Variants in DLG2 observed in about 807,000 individuals in gnomAD.
DLG2 encodes the protein disks large homolog 2.
Under a neutral mutation model 132.5 loss-of-function variants are expected in DLG2, and 45 were observed. The observed-to-expected ratio is 0.34, with a 90% confidence interval of 0.27 to 0.44. DLG2 has a LOEUF of 0.44. DLG2 is among the 20% of genes least tolerant of loss of function. DLG2 has a pLI of 1.00. For synonymous variants in DLG2, 424 were observed against 419.6 expected (o/e 1.01, Z -0.13); for missense variants, 1,045 against 1,196.9 (o/e 0.87, Z 1.87).
intron 8 of DLG2, among the ~76,000 whole-genome samples, chr11:84,233,319 T>C (rs2097118794): frequency 6.6e-6 from 1 of 152,192 alleles, no homozygotes; most frequent in Non-Finnish European, 1.5e-5. Context: ...AAAGAGTCCT[T>C]GGCAGAGCGT....
intron 6 of DLG2, among the ~76,000 whole-genome samples, chr11:84,710,626 G>T (rs1451943143): frequency 6.6e-6 from 1 of 151,792 alleles, no homozygotes; most frequent in Non-Finnish European, 1.5e-5. Flanking sequence ...CCATAATGTG[G>T]ATATTAAGGC....
chr11:84,822,852 CTTAA>C (rs2077863468), intron 6 of DLG2, among the ~76,000 whole-genome samples: 1 of 151,936 alleles, frequency 6.6e-6, no homozygotes, highest in South Asian at 2.1e-4. Context: ...ATTCTCCTAA[CTTAA>C]TTGAGCCACA....
chr11:85,390,966 C>A (rs929822147), intron 3 of DLG2, among the ~76,000 whole-genome samples: 1 of 151,280 alleles, frequency 6.6e-6, no homozygotes, highest in African/African-American at 2.4e-5. Context: ...GAAATTGAAA[C>A]AAAAAACTGC....
At chr11:84,719,263 T>C (rs563119491) in intron 6 of DLG2, among the ~76,000 whole-genome samples, 2 of 152,322 alleles carry the variant, frequency 1.3e-5, no homozygotes, top group African/African-American at 4.8e-5. Flanking sequence ...ATCTCTGGTG[T>C]TATCTTTCAG....
At chr11:84,926,108 C>T (rs1421351488) in intron 6 of DLG2, among the ~76,000 whole-genome samples, 2 of 151,978 alleles carry the variant, frequency 1.3e-5, no homozygotes, top group Non-Finnish European at 2.9e-5. Context: ...AAACATAAAA[C>T]TGAATGAAGC....
chr11:85,062,671 T>A (rs2064293640), intron 6 of DLG2, among the ~76,000 whole-genome samples: 1 of 151,694 alleles, frequency 6.6e-6, no homozygotes, highest in African/African-American at 2.4e-5. Context: ...CACAGAGATC[T>A]AGTAAGATAA....
intron 6 of DLG2, among the ~76,000 whole-genome samples, chr11:84,844,171 A>ATG (rs1834277016): frequency 6.2e-5 from 8 of 129,344 alleles, no homozygotes; most frequent in Admixed American, 3.3e-4. Flanking sequence ...ATATATATAT[A>ATG]TGTATCTCCC....
At chr11:84,182,724 T>G (rs112976086) in intron 8 of DLG2, among the ~76,000 whole-genome samples, 3 of 152,110 alleles carry the variant, frequency 2.0e-5, no homozygotes, top group African/African-American at 7.2e-5. Context: ...AAATCCAAAG[T>G]AAGCAGAAGA....
At chr11:84,663,245 ATATATT>A (rs2099696539) in intron 6 of DLG2, among the ~76,000 whole-genome samples, 1 of 59,352 alleles carries the variant, frequency 1.7e-5, no homozygotes, top group African/African-American at 6.4e-5. Flanking sequence ...ATATATATAT[ATATATT>A]TTTTTTTCAT....
chr11:84,275,554 G>A lies in DLG2; in HGVS notation c.520-24263C>T, dbSNP rs184309273. Among the ~76,000 whole-genome samples the A allele has an allele frequency of 7.4e-3, 1,125 of 152,130 alleles. 12 individuals are homozygous for A. The highest frequency in any genetic ancestry group is 0.026 in the African/African-American group (1,076 of 41,512). ...GTATTTTTAGTAGAGATGGTGTTTCGCCATGTTAGCCAGGATGGTCTTGAT... is the reference window on the plus strand; with the variant it reads ...GTATTTTTAGTAGAGATGGTGTTTCACCATGTTAGCCAGGATGGTCTTGAT... On this transcript the variant is annotated intron_variant, in intron 7 of 27. Coordinates refer to ENST00000376104, the MANE Select transcript of DLG2 (RefSeq NM_001142699.3).
chr11:84,304,340 TA>T (rs1402197805), intron 7 of DLG2, among the ~76,000 whole-genome samples: 3 of 152,214 alleles, frequency 2.0e-5, no homozygotes, highest in Admixed American at 6.5e-5. Context: ...TGTAAGGCAA[TA>T]CTCTAATTTT....
chr11:84,194,991 G>T (rs1670683), intron 8 of DLG2, among the ~76,000 whole-genome samples: 1 of 152,184 alleles, frequency 6.6e-6, no homozygotes, highest in African/African-American at 2.4e-5. Flanking sequence ...CTGCAAGCAG[G>T]GGGAGATGGC....
chr11:83,503,369 T>TTATATATATATA (rs34969401), intron 21 of DLG2, among the ~76,000 whole-genome samples: 1 of 90,724 alleles, frequency 1.1e-5, no homozygotes, highest in Admixed American at 1.5e-4. Flanking sequence ...ACACACCCAT[T>TTATATATATATA]TATATATATA....
At chr11:84,001,592 G>T (rs762238894) in intron 11 of DLG2, among the ~76,000 whole-genome samples, 1 of 152,006 alleles carries the variant, frequency 6.6e-6, no homozygotes, top group African/African-American at 2.4e-5. Context: ...TAGATAAAAT[G>T]GACCTAACAT....
At chr11:83,793,016 T>G (rs1397257966) in intron 17 of DLG2, among the ~76,000 whole-genome samples, 1 of 152,220 alleles carries the variant, frequency 6.6e-6, no homozygotes, top group East Asian at 1.9e-4. Flanking sequence ...AATTTTGTGT[T>G]TCTTCAATTA....
chr11:84,487,603 G>C (rs921025273), intron 7 of DLG2, among the ~76,000 whole-genome samples: 4 of 152,124 alleles, frequency 2.6e-5, no homozygotes, highest in African/African-American at 9.7e-5. Context: ...TATTGTGAAA[G>C]ATACTGTAAG....
chr11:85,236,523 C>A (rs770421930), intron 4 of DLG2, among the ~76,000 whole-genome samples: 2 of 151,928 alleles, frequency 1.3e-5, no homozygotes, highest in Non-Finnish European at 2.9e-5. Flanking sequence ...ACCCTGACAG[C>A]CTCATTTTAA....
rs7120178 is a variant in DLG2, at chr11:85,603,189, C to T, written c.-92-4401G>A. Among the ~76,000 whole-genome samples the T allele has an allele frequency of 5.4e-3, 817 of 152,234 alleles. 9 individuals carry two copies. The highest frequency in any genetic ancestry group is 0.018 in the African/African-American group (759 of 41,540). On this transcript the variant is annotated intron_variant, in intron 2 of 27. Transcript: ENST00000376104. ...TAAAAATGATTTCACACTTTACTTGCGTAATGTTTTAACAACTCTGAATCA... is the reference window on the plus strand; with the variant it reads ...TAAAAATGATTTCACACTTTACTTGTGTAATGTTTTAACAACTCTGAATCA...
chr11:84,364,938 A>G (rs1458165133), intron 7 of DLG2, among the ~76,000 whole-genome samples: 4 of 152,178 alleles, frequency 2.6e-5, no homozygotes, highest in African/African-American at 9.7e-5. Flanking sequence ...GGATTTTTGC[A>G]TCAATGATCA....
Sources: gnomAD v4.1 joint callset for allele counts (sites outside exome capture counted in the v4.1 genomes callset) on GRCh38, gnomAD v4.1.1 for gene constraint, MANE v1.5 for transcripts, NCBI Gene and HGNC (gene_info 2026-07-23, HGNC 2026-07-21) for gene names.